Variants in OR2AJ1 observed in about 807,000 individuals in gnomAD.
OR2AJ1 encodes the protein olfactory receptor 2AJ1.
For missense variants in OR2AJ1, 280 were observed against 163.2 expected (o/e 1.72, Z -3.90); for synonymous variants, 105 against 60.3 (o/e 1.74, Z -3.44).
intron 1 of OR2AJ1, 23 bp from the exon 2 acceptor site, chr1:247,933,724 A>T (rs1461738720): frequency 3.6e-6 from 2 of 561,472 alleles, no homozygotes; most frequent in Non-Finnish European, 3.2e-6. Context: ...TTTCTTTATT[A>T]TTAATTCATT....
In OR2AJ1 at chr1:247,929,596, C is replaced by T. The variant is rs954588863; in HGVS notation, c.-22-4151C>T. 7.1e-5 allele frequency among the ~76,000 whole-genome samples: 4 copies of T among 56,376 alleles called. No individual in the cohort carries two copies. In the Admixed American group the frequency reaches 8.5e-4, roughly 12 times the overall value. The allele number at this position is 56,376 out of a possible 152,430, so 37.0% of individuals were successfully genotyped here. A position where few individuals can be genotyped will look rare whatever the true frequency, so the allele number is the denominator to read the frequency against. ...TGCCAGGCTCTATTCCCCCCCTTCA[C>T]TCGGTGTGTGTGTGTGTGTGTGTGT... On this transcript the variant is annotated intron_variant, in intron 1 of 1. Transcript: ENST00000318244.
intron 1 of OR2AJ1, among the ~76,000 whole-genome samples, chr1:247,926,844 A>G (rs1325195914): frequency 2.0e-5 from 3 of 152,200 alleles, no homozygotes; most frequent in South Asian, 2.1e-4. Context: ...GGTTTCAACA[A>G]TAGACTTTAG....
chr1:247,932,323 A>G (rs935370421), intron 1 of OR2AJ1, among the ~76,000 whole-genome samples: 38 of 152,332 alleles, frequency 2.5e-4, no homozygotes, highest in African/African-American at 8.9e-4. Flanking sequence ...GCAACAGAGC[A>G]AGACTCTGTC....
chr1:247,925,000 ACTGAGTATCACCCAATGCCT>A lies in OR2AJ1; in HGVS notation c.-184_-165del, dbSNP rs1660071622. ...CAGCTAATCGGAAGGAAATCGCTGA[ACTGAGTATCACCCAATGCCT>A]CTGAGTCACTCTCAAGGACATGACA... On this transcript the variant is annotated 5_prime_UTR_variant, in exon 1 of 2. The change abolishes an upstream ATG in the 5' untranslated region. Transcript: ENST00000318244. 1 of 152,294 alleles carries A rather than the reference ACTGAGTATCACCCAATGCCT, an allele frequency of 6.6e-6. No homozygotes were observed. The highest frequency in any genetic ancestry group is 2.4e-5 in the African/African-American group (1 of 41,452). 9.4% of individuals were successfully genotyped at this position (152,294 alleles called of 1,614,324 possible). A position where few individuals can be genotyped will look rare whatever the true frequency, so the allele number is the denominator to read the frequency against.
At chr1:247,931,312 G>A (rs984451601) in intron 1 of OR2AJ1, among the ~76,000 whole-genome samples, 13 of 152,172 alleles carry the variant, frequency 8.5e-5, no homozygotes, top group Non-Finnish European at 8.8e-5. Context: ...TAGGTGACAC[G>A]TATTTTCTCC....
At chr1:247,930,009 A>G (rs567261484) in intron 1 of OR2AJ1, among the ~76,000 whole-genome samples, 1 of 152,332 alleles carries the variant, frequency 6.6e-6, no homozygotes, top group South Asian at 2.1e-4. Context: ...TTAATTTAGT[A>G]TTTGAGTTTT....
chr1:247,929,543 A>G (rs556125404), intron 1 of OR2AJ1, among the ~76,000 whole-genome samples: 2 of 151,952 alleles, frequency 1.3e-5, no homozygotes, highest in African/African-American at 4.8e-5. Flanking sequence ...AGTAGTAGCA[A>G]TAATAATCAT....
At chr1:247,930,301 ATGT>A (rs996469623) in intron 1 of OR2AJ1, among the ~76,000 whole-genome samples, 14 of 152,178 alleles carry the variant, frequency 9.2e-5, no homozygotes, top group African/African-American at 2.9e-4. Flanking sequence ...TTAAAGAAAC[ATGT>A]TGTATGCTTT....
chr1:247,930,063 G>A (rs982112254), intron 1 of OR2AJ1, among the ~76,000 whole-genome samples: 1 of 152,132 alleles, frequency 6.6e-6, no homozygotes, highest in Non-Finnish European at 1.5e-5. Flanking sequence ...AAATACCAGT[G>A]ACCACTTTTT....
At position 247,926,913 on chromosome 1, in the gene OR2AJ1, G is replaced by A. The variant is rs373653864; in HGVS notation, c.-23+1745G>A. Among the ~76,000 whole-genome samples the A allele has an allele frequency of 1.7e-4, 26 of 152,280 alleles. No homozygotes were observed. In the South Asian group the frequency reaches 2.9e-3, roughly 17 times the overall value. On this transcript the variant is annotated intron_variant, in intron 1 of 1. Transcript: ENST00000318244. ...CAAGATGCCCCCTGTATTCTGCAGC[G>A]TTCTCAAGGAAAAGTGCTTGATGAG...
chr1:247,932,942 A>G (rs1460770002), intron 1 of OR2AJ1, among the ~76,000 whole-genome samples: 1 of 152,232 alleles, frequency 6.6e-6, no homozygotes, highest in Non-Finnish European at 1.5e-5. Flanking sequence ...AATATGAAAT[A>G]CAACCTTAAA....
rs1376450263 is a variant in OR2AJ1 at position 247,934,766 on chromosome 1, G to A, written c.*11G>A. On this transcript the variant is annotated 3_prime_UTR_variant, in exon 2 of 2. Transcript: ENST00000318244. ...CTATTTCTATGTTAAATGCCTGAAG[G>A]ATACTCATGAGAGGTTTCCTAGAAA... 2 of 677,010 alleles carry A rather than the reference G, an allele frequency of 3.0e-6. No individual in the cohort carries two copies. Among genetic ancestry groups the A allele is most frequent in the Non-Finnish European group, 5.4e-6 (2 of 372,164 alleles). The allele number at this position is 677,010 out of a possible 1,614,324, so 41.9% of individuals were successfully genotyped here. A position where few individuals can be genotyped will look rare whatever the true frequency, so the allele number is the denominator to read the frequency against.
intron 1 of OR2AJ1, among the ~76,000 whole-genome samples, chr1:247,929,131 C>T (rs1660124952): frequency 6.6e-6 from 1 of 152,106 alleles, no homozygotes; most frequent in African/African-American, 2.4e-5. Flanking sequence ...AAATGGCTGG[C>T]ATAAAATGAG....
At chr1:247,933,642 A>T in intron 1 of OR2AJ1, 105 bp from the exon 2 acceptor site, 1 of 487,206 alleles carries the variant, frequency 2.1e-6, no homozygotes, top group South Asian at 4.5e-5. Flanking sequence ...GTTGATTACA[A>T]AACATGCATC....
rs541431678 is a variant in OR2AJ1, at chr1:247,924,931, C to G, written c.-260C>G. On this transcript the variant is annotated 5_prime_UTR_variant, in exon 1 of 2. Transcript: ENST00000318244. Reference sequence around the variant, plus strand: ...TGGGAAGTTGTCTTTCATCCTTTTCCTTGCTCCTTTCAAATCACATATCCC... The same window carrying G: ...TGGGAAGTTGTCTTTCATCCTTTTCGTTGCTCCTTTCAAATCACATATCCC... 3 of 152,380 alleles carry G rather than the reference C, an allele frequency of 2.0e-5. No homozygotes were observed. Among genetic ancestry groups the G allele is most frequent in the African/African-American group, 7.2e-5 (3 of 41,564 alleles). The allele number at this position is 152,380 out of a possible 1,614,324, so 9.4% of individuals were successfully genotyped here.
chr1:247,928,961 G>T (rs1025053841), intron 1 of OR2AJ1, among the ~76,000 whole-genome samples: 1 of 152,124 alleles, frequency 6.6e-6, no homozygotes, highest in Non-Finnish European at 1.5e-5. Context: ...GGGCGTGGTC[G>T]TGGGCGCCTG....
At chr1:247,932,548 T>C (rs558585501) in intron 1 of OR2AJ1, among the ~76,000 whole-genome samples, 1 of 152,322 alleles carries the variant, frequency 6.6e-6, no homozygotes, top group East Asian at 1.9e-4. Context: ...ATTTATATAT[T>C]GTCGGTGACA....
chr1:247,930,326 G>A (rs1660137842), intron 1 of OR2AJ1, among the ~76,000 whole-genome samples: 1 of 152,170 alleles, frequency 6.6e-6, no homozygotes, highest in Admixed American at 6.5e-5. Context: ...TCGGTATAAT[G>A]AGAGATCTGG....
chr1:247,926,249 T>A (rs1192550219), intron 1 of OR2AJ1, among the ~76,000 whole-genome samples: 1 of 152,208 alleles, frequency 6.6e-6, no homozygotes, highest in Non-Finnish European at 1.5e-5. Context: ...TATTATATTA[T>A]TTTTACTATT....
Sources: gnomAD v4.1 joint callset for allele counts (sites outside exome capture counted in the v4.1 genomes callset) on GRCh38, gnomAD v4.1.1 for gene constraint, MANE v1.5 for transcripts, NCBI Gene and HGNC (gene_info 2026-07-23, HGNC 2026-07-21) for gene names.